SCAP: variants seen among roughly 807,000 people sequenced by gnomAD.
SCAP encodes sterol regulatory element-binding protein cleavage-activating protein.
A neutral mutation model predicts 123.6 loss-of-function variants in SCAP; 65 were observed. That is an observed-to-expected ratio of 0.53 (90% CI 0.43 to 0.65). SCAP has a LOEUF of 0.65. Among genes scored for constraint, SCAP ranks in the 30% least tolerant of loss-of-function variants. The probability of loss-of-function intolerance (pLI) is 0.00; values close to 1 mark genes in which losing one functional copy is unlikely to be tolerated. For missense variants in SCAP, 1,398 were observed against 1,712.5 expected, an observed-to-expected ratio of 0.82 and a Z score of 3.24; for synonymous variants, 740 against 726.3, an observed-to-expected ratio of 1.02 and a Z score of -0.30.
chr3:47,422,065 C>A (rs1433192113), intron 10 of SCAP, among the ~76,000 whole-genome samples: 1 of 152,286 alleles, frequency 6.6e-6, no homozygotes, highest in Non-Finnish European at 1.5e-5. Flanking sequence ...CACGGTGCTT[C>A]TCCCTCAAAA....
At chr3:47,473,817 T>C (rs915940707) in intron 1 of SCAP, among the ~76,000 whole-genome samples, 3 of 152,222 alleles carry the variant, frequency 2.0e-5, no homozygotes, top group African/African-American at 7.2e-5. Flanking sequence ...GAATCGCATA[T>C]GCCTCCATTT....
intron 18 of SCAP, among the ~76,000 whole-genome samples, 188 bp downstream of exon 18, chr3:47,416,934 C>G (rs191708975): frequency 2.2e-4 from 34 of 152,172 alleles, no homozygotes; most frequent in Non-Finnish European, 4.4e-4. Flanking sequence ...CCACCCCTAA[C>G]GCTTTTAATT....
chr3:47,469,742 C>A, intron 1 of SCAP: 3 of 436,676 alleles, frequency 6.9e-6, no homozygotes. Flanking sequence ...CACCTTCTGC[C>A]ATGATTGTGA....
chr3:47,430,330 G>A (rs1479528781), intron 3 of SCAP, among the ~76,000 whole-genome samples: 6 of 152,164 alleles, frequency 3.9e-5, no homozygotes, highest in African/African-American at 1.4e-4. Context: ...GAGCTTAACA[G>A]GGATGTAAAT....
chr3:47,430,869 T>C (rs949978126), intron 3 of SCAP, among the ~76,000 whole-genome samples: 18 of 151,946 alleles, frequency 1.2e-4, no homozygotes, highest in African/African-American at 4.4e-4. Context: ...TGCGTGTGGA[T>C]GAAAGGGAGG....
intron 2 of SCAP, 69 bp downstream of exon 2, chr3:47,442,803 G>C (rs1706856851): frequency 4.9e-6 from 7 of 1,420,810 alleles, no homozygotes; most frequent in Non-Finnish European, 7.0e-6. Flanking sequence ...GCTCCATAGT[G>C]GTTAGGGTTA....
At chr3:47,467,422 T>C (rs1707865111) in intron 1 of SCAP, among the ~76,000 whole-genome samples, 1 of 151,704 alleles carries the variant, frequency 6.6e-6, no homozygotes. Context: ...CTAGGCAACA[T>C]GGTGAAACCC....
At chr3:47,418,023 G>A (rs1282656369) in intron 16 of SCAP, 111 bp downstream of exon 16, 32 of 709,848 alleles carry the variant, frequency 4.5e-5, no homozygotes, top group Non-Finnish European at 6.7e-5. Context: ...AGGGGGCCTG[G>A]AGGGGTTGGG....
In SCAP at chr3:47,414,352, G is replaced by GCCCC; in HGVS notation, c.3418_3421dup (p.Ala1141GlyfsTer41). ...AGTCAGTACATCCCACAGGCAGATG[G>GCCCC]CCCCATCTTGTCCTCCACTGGCCAG... On this transcript the variant is annotated frameshift_variant, in exon 22 of 23. Coordinates refer to ENST00000265565, the MANE Select transcript of SCAP (RefSeq NM_012235.4). LOFTEE classifies it high-confidence loss of function. 1 of 1,612,960 alleles carries GCCCC rather than the reference G, an allele frequency of 6.2e-7. No homozygotes were observed. The highest frequency in any genetic ancestry group is 8.5e-7 in the Non-Finnish European group (1 of 1,180,026).
intron 1 of SCAP, among the ~76,000 whole-genome samples, chr3:47,467,792 T>C (rs1707878918): frequency 1.3e-5 from 2 of 152,142 alleles, no homozygotes; most frequent in African/African-American, 4.8e-5. Flanking sequence ...TTGTTACATA[T>C]GCATACATGT....
Position 47,422,514 on chromosome 3 carries a change from G to C in SCAP, c.1173C>G (p.Ser391=). The stretch of plus-strand genomic sequence containing the variant: ...GCTCCGTGGCCATGTTCTTCATGAT[G>C]GACCAGCTCTCGCTGCTTAGGCCTG... ...IAQGLSSESW[S]IMKNMATELG... The change falls in exon 10 of 23, where the codon TCC becomes TCG. Residue 391 remains serine, a synonymous_variant. Coordinates refer to ENST00000265565, the MANE Select transcript of SCAP (RefSeq NM_012235.4). 6.2e-7 allele frequency: 1 copy of C among 1,613,350 alleles called. No homozygotes were observed. The highest frequency in any genetic ancestry group is 8.5e-7 in the Non-Finnish European group (1 of 1,179,610).
chr3:47,432,186 G>GCAA, intron 3 of SCAP, among the ~76,000 whole-genome samples: 2 of 151,746 alleles, frequency 1.3e-5, no homozygotes, highest in Admixed American at 6.6e-5. Flanking sequence ...GCGTGGTGGT[G>GCAA]CGTGCCTGTA....
intron 1 of SCAP, 63 bp downstream of exon 1, chr3:47,475,732 AGCTC>A (rs1358802329): frequency 6.5e-6 from 1 of 153,122 alleles, no homozygotes; most frequent in African/African-American, 2.4e-5. Flanking sequence ...CGGAACTCCC[AGCTC>A]CACGCGGCTG....
In SCAP at chr3:47,414,926, G is replaced by C. The variant is rs374083383; in HGVS notation, c.3207C>G (p.His1069Gln). The change falls in exon 20 of 23, where the codon CAC (histidine) becomes CAG (glutamine). Residue 1069 changes from histidine to glutamine, a missense_variant. His to Gln is a conservative substitution (Grantham distance 24). Around this residue, in one of 7 missense-constraint regions of SCAP, gnomAD observed 828 missense variants for 882.5 expected, o/e 0.94. Transcript: ENST00000265565. ...GTGCACAGGGCACTGTGTGGGTCAG[G>C]TGACAGGCCACTGTGTCGCTGCTGC... ...VYSSSDTVAC[H>Q]LTHTVPCAHQ... is the part of the protein sequence containing the mutation. 38 of 1,612,656 alleles carry C rather than the reference G, an allele frequency of 2.4e-5. No homozygotes were observed. In the African/African-American group the frequency reaches 4.9e-4, roughly 21 times the overall value.
chr3:47,428,778 T>TA, intron 3 of SCAP, 108 bp from the exon 4 acceptor site: 2 of 1,227,914 alleles, frequency 1.6e-6, no homozygotes, highest in East Asian at 2.4e-5. Context: ...CCCACAGAGT[T>TA]AAAGAAACCA....
At chr3:47,426,255 G>A in intron 6 of SCAP, 86 bp from the exon 7 acceptor site, 2 of 1,356,872 alleles carry the variant, frequency 1.5e-6, no homozygotes, top group Non-Finnish European at 2.0e-6. Context: ...GGGTCCATCA[G>A]GACCTCCCTC....
rs192402146 is a variant in SCAP at position 47,470,965 on chromosome 3, A to C, written c.-99+4834T>G. Among the ~76,000 whole-genome samples, 1,274 of 152,092 alleles carry C rather than the reference A, an allele frequency of 8.4e-3. 19 individuals are homozygous for C. Among genetic ancestry groups the C allele is most frequent in the African/African-American group, 0.028 (1,161 of 41,504 alleles). ...TATCAATTAATAAACTTCTCCCCCC[A>C]AAAAAAAGTATAATGAGGATTAAAG... On this transcript the variant is annotated intron_variant, in intron 1 of 22. Transcript: ENST00000265565.
rs746142162 is a variant in SCAP, at chr3:47,420,703, T to C, written c.1414A>G (p.Thr472Ala). 5.0e-6 allele frequency: 8 copies of C among 1,611,548 alleles called. No individual in the cohort carries two copies. In the South Asian group the frequency reaches 6.6e-5, roughly 13 times the overall value. Residue 472 changes from threonine (T) to alanine (A), a missense_variant, in exon 12 of 23, where the codon ACG becomes GCG. Thr to Ala is a moderately conservative substitution (Grantham distance 58, BLOSUM62 0). This residue lies in a region of SCAP where 828 missense variants were observed against 882.5 expected (regional missense o/e 0.94). Transcript: ENST00000265565. This position sits in a 1 kb window ranked among gnomAD's most constrained non-coding sequence, Gnocchi z 5.0. Reference protein sequence around the residue: ...LPSAKPVGQPTRYERQLAVRP... With the variant: ...LPSAKPVGQPARYERQLAVRP... ...ACAGCCAGCTGCCGCTCGTAGCGCG[T>C]TGGCTGTCCCACTGGCTTGGCTGAG...
At chr3:47,421,058 G>A (rs781519926) in intron 10 of SCAP, 29 bp from the exon 11 acceptor site, 28 of 1,583,064 alleles carry the variant, frequency 1.8e-5, no homozygotes, top group African/African-American at 8.1e-5. Context: ...GGGATGGGGG[G>A]GTGCCGTGAC....
Sources: gnomAD v4.1 joint callset for allele counts (sites outside exome capture counted in the v4.1 genomes callset) on GRCh38, gnomAD v4.1.1 for gene constraint, gnomAD v4.1.1 regional missense constraint, Gnocchi (gnomAD v3.1) non-coding constraint, MANE v1.5 for transcripts, NCBI Gene and HGNC (gene_info 2026-07-23, HGNC 2026-07-21) for gene names.